MGAT4C: variants seen among roughly 807,000 people sequenced by gnomAD.
MGAT4C encodes alpha-1,3-mannosyl-glycoprotein 4-beta-N-acetylglucosaminyltransferase C.
Under a neutral mutation model 40.1 loss-of-function variants are expected in MGAT4C, and 19 were observed. The observed-to-expected ratio is 0.47, with a 90% CI of 0.33 to 0.70. The LOEUF is 0.70. MGAT4C is among the 30% of genes least tolerant of loss of function. The pLI, the probability that MGAT4C is intolerant of heterozygous loss-of-function variation, is 0.02. For missense variants in MGAT4C, 491 were observed against 563.2 expected (o/e 0.87, Z 1.30); for synonymous variants, 181 against 187.1 (o/e 0.97, Z 0.27).
At chr12:86,145,247 A>C (rs191142556) in intron 1 of MGAT4C, among the ~76,000 whole-genome samples, 8 of 152,286 alleles carry the variant, frequency 5.3e-5, no homozygotes, top group Non-Finnish European at 1.0e-4. Context: ...ATCCAACATT[A>C]ACACAGACTT....
chr12:86,011,782 T>C, intron 2 of MGAT4C: 2 of 950,234 alleles, frequency 2.1e-6, no homozygotes, highest in Non-Finnish European at 2.5e-6. Context: ...ATATTGAACA[T>C]GGCAGACACA....
At chr12:86,722,735 G>A (rs185335580) in intron 2 of MGAT4C, among the ~76,000 whole-genome samples, 1 of 152,200 alleles carries the variant, frequency 6.6e-6, no homozygotes, top group East Asian at 1.9e-4. Context: ...TGTTCCCTCA[G>A]AGTAGCAAAT....
chr12:86,111,621 G>T (rs1047794494), intron 1 of MGAT4C, among the ~76,000 whole-genome samples: 39 of 151,880 alleles, frequency 2.6e-4, no homozygotes, highest in African/African-American at 8.9e-4. Context: ...CTTGATTAGT[G>T]AGAATTATTT....
At chr12:86,044,608 C>T (rs912856928) in intron 2 of MGAT4C, among the ~76,000 whole-genome samples, 2 of 151,978 alleles carry the variant, frequency 1.3e-5, no homozygotes, top group Non-Finnish European at 2.9e-5. Flanking sequence ...AGGCTGTGGT[C>T]AGGGGAAGGG....
intron 1 of MGAT4C, among the ~76,000 whole-genome samples, chr12:86,140,348 G>T (rs1317289247): frequency 6.6e-6 from 1 of 152,044 alleles, no homozygotes; most frequent in Non-Finnish European, 1.5e-5. Flanking sequence ...TCCTTTGCAG[G>T]GACATGAATG....
At chr12:86,585,199 T>C (rs933952580) in intron 2 of MGAT4C, among the ~76,000 whole-genome samples, 15 of 151,494 alleles carry the variant, frequency 9.9e-5, no homozygotes, top group Non-Finnish European at 1.9e-4. Flanking sequence ...AAAATGGGAC[T>C]CTCCTTTCTT....
At chr12:86,008,781 C>G (rs1358068228) in intron 2 of MGAT4C, among the ~76,000 whole-genome samples, 1 of 152,086 alleles carries the variant, frequency 6.6e-6, no homozygotes, top group Non-Finnish European at 1.5e-5. Flanking sequence ...ACATTTGCTT[C>G]TATTCCTGGA....
chr12:86,214,654 C>T lies in MGAT4C; in HGVS notation c.-57+41585G>A, dbSNP rs73387506. 3.3e-3 allele frequency among the ~76,000 whole-genome samples: 501 copies of T among 152,296 alleles called. 2 individuals carry two copies. Among genetic ancestry groups the T allele is most frequent in the African/African-American group, 0.012 (485 of 41,564 alleles). On this transcript the variant is annotated intron_variant, in intron 1 of 4. Transcript: ENST00000611864. ...AGAGATCCTTTCTATTCTGCCTCTT[C>T]CTATGAGCACACTAATTTCATTCTT...
At chr12:86,065,714 A>G (rs1894475837) in intron 1 of MGAT4C, among the ~76,000 whole-genome samples, 1 of 152,154 alleles carries the variant, frequency 6.6e-6, no homozygotes. Context: ...TGTCAGGGCA[A>G]TCAGGCAAGA....
chr12:86,261,147 C>T (rs951961949), upstream of MGAT4C, among the ~76,000 whole-genome samples: 1 of 152,062 alleles, frequency 6.6e-6, no homozygotes, highest in Non-Finnish European at 1.5e-5. Context: ...TCTAGCACTA[C>T]CTTGTACAGA....
At chr12:86,690,783 A>G (rs542342727) in intron 2 of MGAT4C, among the ~76,000 whole-genome samples, 9 of 152,104 alleles carry the variant, frequency 5.9e-5, no homozygotes, top group Middle Eastern at 3.4e-3. Context: ...TCAACTTTTA[A>G]TGTTGATGTT....
chr12:86,382,835 T>A (rs951590133), intron 3 of MGAT4C, among the ~76,000 whole-genome samples: 5 of 152,180 alleles, frequency 3.3e-5, no homozygotes, highest in African/African-American at 1.2e-4. Context: ...ACAGAAGTCA[T>A]GAATTGGGGT....
In MGAT4C at chr12:86,552,042, A is replaced by AAAC. The variant is rs1259033894; in HGVS notation, c.-228-116778_-228-116777insGTT. ...TAAAAAAAGCAAAAAAAAAAAAAAA[A>AAAC]CCAAAAAACAGACACTTCTAAAATA... On this transcript the variant is annotated intron_variant, in intron 2 of 7. Coordinates refer to the MGAT4C transcript ENST00000548651. 6.9e-3 allele frequency among the ~76,000 whole-genome samples: 1,031 copies of AAAC among 150,022 alleles called. 5 individuals are homozygous for AAAC. Among genetic ancestry groups the AAAC allele is most frequent in the African/African-American group, 9.6e-3 (391 of 40,764 alleles).
chr12:86,805,249 T>C (rs955578072), intron 1 of MGAT4C, among the ~76,000 whole-genome samples: 3 of 151,956 alleles, frequency 2.0e-5, no homozygotes, highest in African/African-American at 7.2e-5. Flanking sequence ...TCAGCAGTTA[T>C]GTGTGCAGAT....
At chr12:86,679,900 A>G (rs1949949348) in intron 2 of MGAT4C, among the ~76,000 whole-genome samples, 1 of 152,086 alleles carries the variant, frequency 6.6e-6, no homozygotes, top group Non-Finnish European at 1.5e-5. Flanking sequence ...TCTGCCATAT[A>G]AAGAGAAGTC....
At chr12:86,370,959 C>T (rs566443792) in intron 3 of MGAT4C, among the ~76,000 whole-genome samples, 2 of 132,130 alleles carry the variant, frequency 1.5e-5, no homozygotes, top group South Asian at 5.0e-4. Flanking sequence ...GATTTTATAC[C>T]ATTATGCATA....
upstream of MGAT4C, among the ~76,000 whole-genome samples, chr12:86,261,276 G>A (rs1952652417): frequency 6.6e-6 from 1 of 152,034 alleles, no homozygotes; most frequent in Admixed American, 6.6e-5. Flanking sequence ...TCATTCAATA[G>A]ACAAAAATTG....
chr12:86,314,748 G>A (rs769979192), intron 4 of MGAT4C, among the ~76,000 whole-genome samples: 1 of 152,120 alleles, frequency 6.6e-6, no homozygotes, highest in Non-Finnish European at 1.5e-5. Flanking sequence ...CCAATTTACA[G>A]TAACCCCTAA....
intron 2 of MGAT4C, among the ~76,000 whole-genome samples, chr12:86,492,230 G>T (rs1433724000): frequency 2.0e-5 from 3 of 152,136 alleles, no homozygotes; most frequent in South Asian, 2.1e-4. Flanking sequence ...CCCAAGGTAA[G>T]TTATAGATTC....
Sources: gnomAD v4.1 joint callset for allele counts (sites outside exome capture counted in the v4.1 genomes callset) on GRCh38, gnomAD v4.1.1 for gene constraint, MANE v1.5 for transcripts, NCBI Gene and HGNC (gene_info 2026-07-23, HGNC 2026-07-21) for gene names.